The following LAG3 variants were observed in gnomAD, a reference collection of about 807,000 sequenced individuals.
The protein encoded by LAG3 is lymphocyte activating 3, also known as lymphocyte activation gene 3 protein.
LAG3 carries 29 observed loss-of-function variants against 49.0 expected under a neutral mutation model. The ratio of observed to expected loss-of-function variants is 0.59; its 90% CI spans 0.44 to 0.81. The LOEUF is 0.81. Ranked by LOEUF, LAG3 falls within the 30% of genes least tolerant of loss-of-function variation. The pLI is 0.00. For missense variants in LAG3, 693 were observed against 695.2 expected (o/e 1.00, Z 0.04); for synonymous variants, 320 against 297.3 (o/e 1.08, Z -0.79).
In LAG3 at chr12:6,775,481, C is replaced by T. The variant is rs563811619; in HGVS notation, c.990C>T (p.Thr330=). Residue 330 remains threonine (T), a synonymous_variant, in exon 5 of 8, where the codon ACC becomes ACT. Coordinates refer to ENST00000203629, the MANE Select transcript of LAG3 (RefSeq NM_002286.6). Reference sequence around the variant, plus strand: ...ATGTGAGCCAGGCCCAGGCTGGGACCTACACCTGCCATATCCATCTGCAGG... The same window carrying T: ...ATGTGAGCCAGGCCCAGGCTGGGACTTACACCTGCCATATCCATCTGCAGG... ...LEDVSQAQAG[T]YTCHIHLQEQ... The T allele has an allele frequency of 1.2e-6, 2 of 1,614,194 alleles. No individual in the cohort carries two copies. Among genetic ancestry groups the T allele is most frequent in the Admixed American group, 1.7e-5 (1 of 60,028 alleles).
At position 6,773,069 on chromosome 12, in the gene LAG3, A is replaced by C; in HGVS notation, c.59-123A>C. On this transcript the variant is annotated intron_variant, in intron 1 of 7. Transcript: ENST00000203629. The surrounding 1 kb of genome is among the most constrained non-coding windows in gnomAD (Gnocchi z 5.5). The stretch of plus-strand genomic sequence containing the variant: ...ACCCCGAAAGCCTCTCTGGGCAGAG[A>C]AGAAACAGAAACCCAAGTTCTTCCT... 7.1e-7 allele frequency: 1 copy of C among 1,402,124 alleles called. No individual in the cohort carries two copies. Among genetic ancestry groups the C allele is most frequent in the East Asian group, 2.3e-5 (1 of 43,628 alleles). 86.9% of individuals were successfully genotyped at this position (1,402,124 alleles called of 1,614,324 possible). A position where few individuals can be genotyped will look rare whatever the true frequency, so the allele number is the denominator to read the frequency against.
At position 6,777,292 on chromosome 12, in the gene LAG3, AT is replaced by A; in HGVS notation, c.1087del (p.Ser363ProfsTer9). The A allele has an allele frequency of 6.2e-7, 1 of 1,614,126 alleles. No individual in the cohort carries two copies. The highest frequency in any genetic ancestry group is 1.1e-5 in the South Asian group (1 of 91,072). ...CTCCCAAATCCTTTGGGTCACCTGG[AT>A]CCCTGGGGAAGCTGCTTTGTGAGGT... is the stretch of plus-strand genomic sequence containing the variant. ...VTPKSFGSPGSLGKLLCEVTP... is the reference protein window; with the variant it reads ...VTPKSFGSPGXLGKLLCEVTP... On this transcript the variant is annotated frameshift_variant, in exon 6 of 8. Transcript: ENST00000203629. LOFTEE classifies it high-confidence loss of function.
In LAG3 at chr12:6,773,417, T is replaced by C; in HGVS notation, c.206+78T>C. ...ACACCCGTGCCGGTCCTCTGTCCCC[T>C]GCCCTGAGGTGTCACTCCCTCTGAA... On this transcript the variant is annotated intron_variant, in intron 2 of 7. Transcript: ENST00000203629. The surrounding 1 kb of genome is among the most constrained non-coding windows in gnomAD (Gnocchi z 5.5). 1.3e-6 allele frequency: 2 copies of C among 1,515,148 alleles called. No individual in the cohort carries two copies. Among genetic ancestry groups the C allele is most frequent in the Non-Finnish European group, 1.8e-6 (2 of 1,111,416 alleles). The allele number at this position is 1,515,148 out of a possible 1,614,324, so 93.9% of individuals were successfully genotyped here.
chr12:6,775,608 G>T (rs776507109), intron 5 of LAG3, 60 bp downstream of exon 5: 11 of 1,551,158 alleles, frequency 7.1e-6, no homozygotes, highest in Middle Eastern at 1.7e-4. Flanking sequence ...CAGGGAGGAA[G>T]GGCTGGCAGG....
At chr12:6,775,002 C>T in intron 4 of LAG3, 138 bp downstream of exon 4, 1 of 929,714 alleles carries the variant, frequency 1.1e-6, no homozygotes, top group Non-Finnish European at 1.6e-6. Context: ...ACTGTTCGAC[C>T]CCTTTATATT....
In LAG3 at chr12:6,773,335, G is replaced by A. The variant is rs1941864458; in HGVS notation, c.202G>A (p.Asp68Asn). Residue 68 changes from aspartate (D) to asparagine (N), a missense_variant, in exon 2 of 8, where the codon GAC becomes AAC. Transcript: ENST00000203629. The surrounding 1 kb of genome is among the most constrained non-coding windows in gnomAD (Gnocchi z 5.5). ...AGGGGTCACTTGGCAGCATCAGCCA[G>A]ACAGGTATGCACCCCAAACTTGGGC... ...RAGVTWQHQP[D>N]SGPPAAAPGH... The A allele has an allele frequency of 1.2e-6, 2 of 1,613,666 alleles. No individual in the cohort carries two copies. The highest frequency in any genetic ancestry group is 1.7e-6 in the Non-Finnish European group (2 of 1,179,926).
At chr12:6,774,885 C>A in intron 4 of LAG3, 21 bp downstream of exon 4, 1 of 1,596,026 alleles carries the variant, frequency 6.3e-7, no homozygotes, top group South Asian at 1.1e-5. Context: ...CACTCTGCTT[C>A]ACATTTGACC....
In LAG3 at chr12:6,774,802, G is replaced by A; in HGVS notation, c.719G>A (p.Gly240Asp). 6.2e-7 allele frequency: 1 copy of A among 1,614,140 alleles called. No homozygotes were observed. Among genetic ancestry groups the A allele is most frequent in the South Asian group, 1.1e-5 (1 of 91,090 alleles). Residue 240 changes from glycine (G) to aspartate (D), a missense_variant, in exon 4 of 8, where the codon GGC becomes GAC. Transcript: ENST00000203629. ...AGCCCCATGGACTCTGGGCCCTGGG[G>A]CTGCATCCTCACCTACAGAGATGGC... ...QVSPMDSGPW[G>D]CILTYRDGFN... is the part of the protein sequence containing the mutation.
intron 7 of LAG3, 104 bp downstream of exon 7, chr12:6,778,025 T>C: frequency 6.5e-7 from 1 of 1,545,384 alleles, no homozygotes; most frequent in Non-Finnish European, 8.8e-7. Context: ...AATGGGACCC[T>C]GAACTTGCCC....
At position 6,774,749 on chromosome 12, in the gene LAG3, G is replaced by C; in HGVS notation, c.666G>C (p.Ala222=). Residue 222 remains alanine, a synonymous_variant, in exon 4 of 8, where the codon GCG becomes GCC. Coordinates refer to ENST00000203629, the MANE Select transcript of LAG3 (RefSeq NM_002286.6). The stretch of plus-strand genomic sequence containing the variant: ...GGGAGTCCCCCCATCACCACTTAGC[G>C]GAAAGCTTCCTCTTCCTGCCCCAAG... ...PVRESPHHHL[A]ESFLFLPQVS... 1 of 1,614,140 alleles carries C rather than the reference G, an allele frequency of 6.2e-7. No individual in the cohort carries two copies. The highest frequency in any genetic ancestry group is 8.5e-7 in the Non-Finnish European group (1 of 1,180,024).
intron 6 of LAG3, 90 bp downstream of exon 6, chr12:6,777,596 G>C (rs1010717726): frequency 3.3e-6 from 5 of 1,519,706 alleles, no homozygotes; most frequent in Non-Finnish European, 3.5e-6. Context: ...CCATCCCAGC[G>C]CTTTTCTTTC....
chr12:6,777,590 C>G (rs1301723741), intron 6 of LAG3, 84 bp downstream of exon 6: 1 of 1,527,372 alleles, frequency 6.5e-7, no homozygotes, highest in Non-Finnish European at 8.8e-7. Context: ...CCACCCCCAT[C>G]CCAGCGCTTT....
intron 3 of LAG3, 88 bp downstream of exon 3, chr12:6,774,089 C>A: frequency 7.4e-7 from 1 of 1,351,024 alleles, no homozygotes. Context: ...GGGGCAGAGG[C>A]TGCGCCCTAG....
rs960483814 is a variant in LAG3, at chr12:6,773,922, C to G, written c.432C>G (p.Ala144=). 1.4e-5 allele frequency: 20 copies of G among 1,382,456 alleles called. No individual in the cohort carries two copies. In the East Asian group the frequency reaches 5.5e-4, roughly 38 times the overall value. 85.6% of individuals were successfully genotyped at this position (1,382,456 alleles called of 1,614,324 possible). Residue 144 remains alanine, a synonymous_variant, in exon 3 of 8, where the codon GCC becomes GCG. Coordinates refer to ENST00000203629, the MANE Select transcript of LAG3 (RefSeq NM_002286.6). This position sits in a 1 kb window ranked among gnomAD's most constrained non-coding sequence, Gnocchi z 5.5. Reference sequence around the variant, plus strand: ...TGCGCCCAGCCCGGCGCGCGGACGCCGGCGAGTACCGCGCCGCGGTGCACC... The same window carrying G: ...TGCGCCCAGCCCGGCGCGCGGACGCGGGCGAGTACCGCGCCGCGGTGCACC... ...LWLRPARRAD[A]GEYRAAVHLR...
intron 7 of LAG3, 121 bp downstream of exon 7, chr12:6,778,042 C>G (rs533477223): frequency 6.9e-7 from 1 of 1,449,532 alleles, no homozygotes; most frequent in South Asian, 1.2e-5. Flanking sequence ...GCCCTCAGAG[C>G]CCCCCTTCTT....
In LAG3 at chr12:6,778,341, C is replaced by A. The variant is rs1369752537; in HGVS notation, c.1529C>A (p.Pro510Gln). 2 of 1,612,890 alleles carry A rather than the reference C, an allele frequency of 1.2e-6. No individual in the cohort carries two copies. The highest frequency in any genetic ancestry group is 1.7e-5 in the Admixed American group (1 of 59,972). Residue 510 changes from proline (P) to glutamine (Q), a missense_variant, in exon 8 of 8, where the codon CCG becomes CAG. By Grantham distance (76) the Pro-to-Gln change is moderately conservative. Coordinates refer to ENST00000203629, the MANE Select transcript of LAG3 (RefSeq NM_002286.6). ...EELEQEPEPEPEPEPEPEPEP... is the reference protein window; with the variant it reads ...EELEQEPEPEQEPEPEPEPEP... Reference sequence around the variant, plus strand: ...CTGGAGCAAGAACCGGAGCCGGAGCCGGAGCCGGAACCGGAGCCCGAGCCC... The same window carrying A: ...CTGGAGCAAGAACCGGAGCCGGAGCAGGAGCCGGAACCGGAGCCCGAGCCC...
Position 6,773,616 on chromosome 12 carries a change from C to A in LAG3, c.207-81C>A. 1.5e-6 allele frequency: 2 copies of A among 1,334,554 alleles called. No homozygotes were observed. Among genetic ancestry groups the A allele is most frequent in the South Asian group, 2.0e-5 (1 of 49,490 alleles). The allele number at this position is 1,334,554 out of a possible 1,614,324, so 82.7% of individuals were successfully genotyped here. A position where few individuals can be genotyped will look rare whatever the true frequency, so the allele number is the denominator to read the frequency against. On this transcript the variant is annotated intron_variant, in intron 2 of 7. Coordinates refer to ENST00000203629, the MANE Select transcript of LAG3 (RefSeq NM_002286.6). The surrounding 1 kb of genome is among the most constrained non-coding windows in gnomAD (Gnocchi z 5.5). Reference sequence around the variant, plus strand: ...AGAGAACTCTTGGGGCGGGCTTTCTCATCCTCAACGGGTGGCTGCCTGCAT... The same window carrying A: ...AGAGAACTCTTGGGGCGGGCTTTCTAATCCTCAACGGGTGGCTGCCTGCAT...
chr12:6,773,309 C>T lies in LAG3; in HGVS notation c.176C>T (p.Ala59Val). 1 of 1,613,900 alleles carries T rather than the reference C, an allele frequency of 6.2e-7. No individual in the cohort carries two copies. Reference sequence around the variant, plus strand: ...CAGGATCTCAGCCTTCTGCGAAGAGCAGGGGTCACTTGGCAGCATCAGCCA... The same window carrying T: ...CAGGATCTCAGCCTTCTGCGAAGAGTAGGGGTCACTTGGCAGCATCAGCCA... ...PLQDLSLLRR[A>V]GVTWQHQPDS... Residue 59 changes from alanine to valine, a missense_variant, in exon 2 of 8, where the codon GCA (alanine) becomes GTA (valine). Transcript: ENST00000203629. This position sits in a 1 kb window ranked among gnomAD's most constrained non-coding sequence, Gnocchi z 5.5.
chr12:6,775,494 A>G lies in LAG3; in HGVS notation c.1003A>G (p.Ile335Val), dbSNP rs371977904. 5.0e-6 allele frequency: 8 copies of G among 1,614,182 alleles called. No homozygotes were observed. The African/African-American group carries it at 9.3e-5, about 19-fold the overall frequency. ...QAQAGTYTCH[I>V]HLQEQQLNAT... ...CCAGGCTGGGACCTACACCTGCCAT[A>G]TCCATCTGCAGGAACAGCAGCTCAA... is the stretch of plus-strand genomic sequence containing the variant. The change falls in exon 5 of 8, where the codon ATC becomes GTC. Residue 335 changes from isoleucine (I) to valine (V), a missense_variant. Physicochemically the swap from Ile to Val is conservative, Grantham distance 29. Coordinates refer to ENST00000203629, the MANE Select transcript of LAG3 (RefSeq NM_002286.6).
Sources: allele counts gnomAD v4.1 joint callset, GRCh38; gene constraint gnomAD v4.1.1; non-coding constraint Gnocchi (gnomAD v3.1); transcripts MANE v1.5; gene names NCBI Gene and HGNC (gene_info 2026-07-23, HGNC 2026-07-21).